The following DISC1 variants were observed in gnomAD, a reference collection of about 807,000 sequenced individuals.
The protein encoded by DISC1 is disrupted in schizophrenia 1 protein.
A neutral mutation model predicts 84.5 loss-of-function variants in DISC1; 57 were observed. The observed-to-expected ratio is 0.67, with a 90% CI of 0.55 to 0.84. The LOEUF (loss-of-function observed/expected upper bound fraction) is 0.84. Ranked by LOEUF, DISC1 falls within the 40% of genes least tolerant of loss-of-function variation. The pLI, the probability that DISC1 is intolerant of heterozygous loss-of-function variation, is 0.00. For synonymous variants in DISC1, 411 were observed against 415.2 expected, an observed-to-expected ratio of 0.99 and a Z score of 0.12; for missense variants, 1,000 against 1,057.8, an observed-to-expected ratio of 0.95 and a Z score of 0.76.
At chr1:231,898,633 A>G (rs1342288896) in intron 9 of DISC1, among the ~76,000 whole-genome samples, 2 of 152,206 alleles carry the variant, frequency 1.3e-5, no homozygotes, top group Non-Finnish European at 2.9e-5. Flanking sequence ...TGAATGTTCT[A>G]CATTCACAAA....
intron 3 of DISC1, among the ~76,000 whole-genome samples, chr1:231,716,728 A>G (rs933371371): frequency 6.6e-6 from 1 of 152,180 alleles, no homozygotes; most frequent in African/African-American, 2.4e-5. Flanking sequence ...CTTCACCCTC[A>G]TGGGCAGAGA....
chr1:231,710,313 C>T (rs1204966109), intron 3 of DISC1, among the ~76,000 whole-genome samples: 2 of 152,156 alleles, frequency 1.3e-5, no homozygotes, highest in Non-Finnish European at 2.9e-5. Context: ...CTGCACTGCA[C>T]TCCTGCCTGG....
In DISC1 at chr1:231,763,527, G is replaced by A. The variant is rs1006320297; in HGVS notation, c.1269-3613G>A. Among the ~76,000 whole-genome samples, 4 of 152,140 alleles carry A rather than the reference G, an allele frequency of 2.6e-5. No individual in the cohort carries two copies. In the South Asian group the frequency reaches 8.3e-4, roughly 32 times the overall value. ...AATCCGATCTTTTTGGTAGACTTAG[G>A]AACAAAAGCAAGGTTCCTTTTTCTG... On this transcript the variant is annotated intron_variant, in intron 4 of 12. Transcript: ENST00000439617.
intron 10 of DISC1, among the ~76,000 whole-genome samples, chr1:231,977,033 A>G (rs1662908274): frequency 6.6e-6 from 1 of 152,208 alleles, no homozygotes; most frequent in Non-Finnish European, 1.5e-5. Flanking sequence ...CACCTTGCCA[A>G]AGGTCCAACA....
intron 4 of DISC1, among the ~76,000 whole-genome samples, chr1:231,752,637 A>C (rs948080763): frequency 6.6e-6 from 1 of 152,148 alleles, no homozygotes; most frequent in Non-Finnish European, 1.5e-5. Context: ...TGTTTTTCTC[A>C]CATTGCAAAA....
chr1:231,976,085 G>C (rs1219157112), intron 10 of DISC1, among the ~76,000 whole-genome samples: 1 of 152,124 alleles, frequency 6.6e-6, no homozygotes, highest in Non-Finnish European at 1.5e-5. Context: ...CAGGAGGTGA[G>C]GCCAGGCAGC....
chr1:231,787,351 A>G (rs1008639177), intron 6 of DISC1, among the ~76,000 whole-genome samples: 5 of 152,108 alleles, frequency 3.3e-5, no homozygotes, highest in African/African-American at 1.2e-4. Context: ...TTACTGCATC[A>G]TCCCATGGCA....
intron 6 of DISC1, among the ~76,000 whole-genome samples, chr1:231,777,521 C>G (rs1253175970): frequency 1.3e-5 from 2 of 152,262 alleles, no homozygotes; most frequent in East Asian, 3.9e-4. Flanking sequence ...CCCCTACTCC[C>G]CTTTTTAAGT....
rs762099070 is a variant in DISC1, at chr1:231,694,487, G to A, written c.729G>A (p.Gln243=). The change falls in exon 2 of 13, where the codon CAG becomes CAA. Residue 243 remains glutamine (Q), a synonymous_variant. Coordinates refer to ENST00000439617, the MANE Select transcript of DISC1 (RefSeq NM_018662.3). ...REAESHCQSP[Q]EMGAKAASLD... ...CTGAGTCCCATTGCCAGAGCCCCCA[G>A]GAGATGGGAGCCAAAGCTGCCAGCT... 6 of 1,614,288 alleles carry A rather than the reference G, an allele frequency of 3.7e-6. No homozygotes were observed. The South Asian group carries it at 6.6e-5, about 18-fold the overall frequency.
chr1:231,694,179 G>A lies in DISC1; in HGVS notation c.421G>A (p.Ala141Thr), dbSNP rs1256037965. ...RLSWPCGPGS[A>T]GWQQEFAAMD... Reference sequence around the variant, plus strand: ...TAGCTGGCCGTGTGGCCCTGGGAGTGCTGGGTGGCAGCAAGAGTTTGCAGC... The same window carrying A: ...TAGCTGGCCGTGTGGCCCTGGGAGTACTGGGTGGCAGCAAGAGTTTGCAGC... Residue 141 changes from alanine to threonine, a missense_variant, in exon 2 of 13, where the codon GCT becomes ACT. Ala to Thr is a moderately conservative substitution (Grantham distance 58). Transcript: ENST00000439617. 1.9e-6 allele frequency: 3 copies of A among 1,614,214 alleles called. No homozygotes were observed. Among genetic ancestry groups the A allele is most frequent in the East Asian group, 2.2e-5 (1 of 44,878 alleles).
chr1:231,646,834 G>T (rs2125242318), intron 1 of DISC1, among the ~76,000 whole-genome samples: 1 of 152,262 alleles, frequency 6.6e-6, no homozygotes. Context: ...TTTTTCATGT[G>T]TCTGTTGGCT....
In DISC1 at chr1:231,694,741, C is replaced by A. The variant is rs55795950; in HGVS notation, c.983C>A (p.Thr328Asn). Residue 328 changes from threonine (T) to asparagine (N), a missense_variant, in exon 2 of 13, where the codon ACC becomes AAC. Around this residue, in one of 3 missense-constraint regions of DISC1, gnomAD observed 311 missense variants for 400.1 expected, o/e 0.78. Coordinates refer to ENST00000439617, the MANE Select transcript of DISC1 (RefSeq NM_018662.3). ...TCAGGGGATGCCCACTCTTGGGACACCCTGCTCAGGAAATGGGAGCCAGTG... is the reference window on the plus strand; with the variant it reads ...TCAGGGGATGCCCACTCTTGGGACAACCTGCTCAGGAAATGGGAGCCAGTG... ...SGSGDAHSWD[T>N]LLRKWEPVLR... 404 of 1,614,118 alleles carry A rather than the reference C, an allele frequency of 2.5e-4. 3 individuals carry two copies. In the East Asian group the frequency reaches 6.2e-3, roughly 25 times the overall value.
intron 1 of DISC1, among the ~76,000 whole-genome samples, chr1:231,683,898 C>A (rs1233181128): frequency 6.6e-6 from 1 of 152,114 alleles, no homozygotes; most frequent in Admixed American, 6.6e-5. Flanking sequence ...TGGTTCTGAA[C>A]TTCTTCAAGC....
At chr1:231,856,708 T>C (rs1264993975) in intron 9 of DISC1, among the ~76,000 whole-genome samples, 21 of 152,172 alleles carry the variant, frequency 1.4e-4, no homozygotes, top group Admixed American at 1.2e-3. Flanking sequence ...GTCATGGTAT[T>C]TTCCTTCATA....
intron 3 of DISC1, among the ~76,000 whole-genome samples, chr1:231,724,516 G>A (rs1210758424): frequency 8.5e-5 from 13 of 152,180 alleles, no homozygotes; most frequent in South Asian, 4.1e-4. Flanking sequence ...TACAATAACC[G>A]CTGTGCTGCA....
intron 10 of DISC1, among the ~76,000 whole-genome samples, chr1:232,002,256 A>G (rs1572580363): frequency 6.6e-6 from 1 of 152,314 alleles, no homozygotes; most frequent in East Asian, 1.9e-4. Flanking sequence ...GAGAAACAAG[A>G]TCACTCATGC....
At position 231,767,278 on chromosome 1, in the gene DISC1, G is replaced by A; in HGVS notation, c.1398+9G>A. ...AAAAGCAGCAGCTACAGGTGAGCAG[G>A]TGAAAGATCTTCAAGAAATATGATG... On this transcript the variant is annotated intron_variant, in intron 5 of 12. Coordinates refer to ENST00000439617, the MANE Select transcript of DISC1 (RefSeq NM_018662.3). The A allele has an allele frequency of 6.2e-7, 1 of 1,614,142 alleles. No homozygotes were observed. The highest frequency in any genetic ancestry group is 8.5e-7 in the Non-Finnish European group (1 of 1,180,032).
rs949322052 is a variant in DISC1 at position 231,698,911 on chromosome 1, A to C, written c.1048-3044A>C. 1.3e-5 allele frequency among the ~76,000 whole-genome samples: 2 copies of C among 152,220 alleles called. No individual in the cohort carries two copies. Among genetic ancestry groups the C allele is most frequent in the South Asian group, 2.1e-4 (1 of 4,832 alleles). On this transcript the variant is annotated intron_variant, in intron 2 of 12. Transcript: ENST00000439617. This position sits in a 1 kb window ranked among gnomAD's most constrained non-coding sequence, Gnocchi z 4.9. ...TGATTATTCATTCATTCTTTCATTC[A>C]TTCAGAAAGCATTTATCAATGACAA...
chr1:231,908,831 C>T (rs1772685), intron 9 of DISC1, among the ~76,000 whole-genome samples: 2 of 152,118 alleles, frequency 1.3e-5, no homozygotes, highest in Non-Finnish European at 2.9e-5. Context: ...TTGTTTGTGT[C>T]CTCTTTTATT....
Sources: allele counts gnomAD v4.1 joint callset (sites outside exome capture counted in the v4.1 genomes callset), GRCh38; gene constraint gnomAD v4.1.1; regional missense constraint gnomAD v4.1.1; non-coding constraint Gnocchi (gnomAD v3.1); transcripts MANE v1.5; gene names NCBI Gene and HGNC (gene_info 2026-07-23, HGNC 2026-07-21).